METTL25: variants seen among roughly 807,000 people sequenced by gnomAD.
METTL25 encodes the protein methyltransferase like 25.
Under a neutral mutation model 71.6 loss-of-function variants are expected in METTL25, and 64 were observed. That is an observed-to-expected ratio of 0.89 (90% confidence interval 0.73 to 1.10). METTL25 has a LOEUF of 1.10. Among genes scored for constraint, METTL25 ranks in the 50% least tolerant of loss-of-function variants. The probability of loss-of-function intolerance (pLI) is 0.00; values close to 1 mark genes in which losing one functional copy is unlikely to be tolerated. For synonymous variants in METTL25, 287 were observed against 250.3 expected, an observed-to-expected ratio of 1.15 and a Z score of -1.38; for missense variants, 807 against 707.0, an observed-to-expected ratio of 1.14 and a Z score of -1.60.
At chr12:82,477,109 G>T (rs1892920362) in intron 10 of METTL25, among the ~76,000 whole-genome samples, 172 bp from the exon 11 acceptor site, 1 of 151,692 alleles carries the variant, frequency 6.6e-6, no homozygotes, top group Admixed American at 6.6e-5. Context: ...TATTATTAAA[G>T]AAAACCTTTT....
At chr12:82,415,218 C>T (rs1887877688) in intron 5 of METTL25, among the ~76,000 whole-genome samples, 1 of 152,042 alleles carries the variant, frequency 6.6e-6, no homozygotes, top group Non-Finnish European at 1.5e-5. Context: ...GATATGACTC[C>T]ATTAAAGTAA....
intron 5 of METTL25, among the ~76,000 whole-genome samples, chr12:82,419,285 C>G (rs922775968): frequency 7.9e-5 from 12 of 152,238 alleles, no homozygotes; most frequent in Middle Eastern, 3.4e-3. Flanking sequence ...TAGGCTAAGG[C>G]TACTGTTTTG....
At chr12:82,461,582 A>C (rs573495155) in intron 9 of METTL25, among the ~76,000 whole-genome samples, 1 of 152,344 alleles carries the variant, frequency 6.6e-6, no homozygotes, top group South Asian at 2.1e-4. Context: ...GCATTTTTCC[A>C]AAACTAGCAA....
chr12:82,388,042 C>T (rs546520730), intron 2 of METTL25, among the ~76,000 whole-genome samples: 1 of 151,920 alleles, frequency 6.6e-6, no homozygotes, highest in Non-Finnish European at 1.5e-5. Context: ...GTTTCTTACC[C>T]TTGCTTTTGT....
chr12:82,412,706 T>A (rs542732721), intron 5 of METTL25, among the ~76,000 whole-genome samples: 2 of 152,258 alleles, frequency 1.3e-5, no homozygotes, highest in East Asian at 3.9e-4. Context: ...ATGCTAAATA[T>A]ATATTTTTTA....
intron 3 of METTL25, among the ~76,000 whole-genome samples, chr12:82,397,249 G>A (rs920510043): frequency 6.6e-6 from 1 of 151,964 alleles, no homozygotes; most frequent in South Asian, 2.1e-4. Flanking sequence ...AGTGATATTA[G>A]GCATCTTTTC....
At chr12:82,378,753 G>T (rs370254238) in intron 1 of METTL25, among the ~76,000 whole-genome samples, 183 of 152,280 alleles carry the variant, frequency 1.2e-3, no homozygotes, top group African/African-American at 4.4e-3. Flanking sequence ...CTGGCCAGGT[G>T]CAATAGCTCA....
Position 82,403,011 on chromosome 12 carries a change from G to C in METTL25, c.1160G>C (p.Cys387Ser). The change falls in exon 5 of 12, where the codon TGT (cysteine) becomes TCT (serine). Residue 387 changes from cysteine (C) to serine (S), a missense_variant. By Grantham distance (112) the Cys-to-Ser change is moderately radical. Coordinates refer to ENST00000248306, the MANE Select transcript of METTL25 (RefSeq NM_032230.3). ...TGTTTGATGGTGGGTCTCCACACTT[G>C]TGGTGATCTGGCTCCAAATACTTTG... ...EDCLMVGLHT[C>S]GDLAPNTLRI... 3.1e-6 allele frequency: 5 copies of C among 1,612,492 alleles called. No homozygotes were observed. Among genetic ancestry groups the C allele is most frequent in the Non-Finnish European group, 3.4e-6 (4 of 1,179,042 alleles).
intron 8 of METTL25, among the ~76,000 whole-genome samples, chr12:82,453,456 C>G (rs1891283161): frequency 6.6e-6 from 1 of 152,032 alleles, no homozygotes; most frequent in African/African-American, 2.4e-5. Flanking sequence ...ATTATGAAGT[C>G]AGATGTTGGA....
rs751291154 is a variant in METTL25 at position 82,430,962 on chromosome 12, G to A, written c.1349G>A (p.Arg450His). Reference sequence around the variant, plus strand: ...AAGGAAGAGAGATGGTGCTGTGGTCGTAATGCCAGAATGTCAGCATGTTTG... The same window carrying A: ...AAGGAAGAGAGATGGTGCTGTGGTCATAATGCCAGAATGTCAGCATGTTTG... ...YLKEERWCCG[R>H]NARMSACLAL... is the part of the protein sequence containing the mutation. Residue 450 changes from arginine to histidine, a missense_variant, in exon 6 of 12, where the codon CGT becomes CAT. By Grantham distance (29) the Arg-to-His change is conservative (BLOSUM62 0). Transcript: ENST00000248306. 17 of 1,597,300 alleles carry A rather than the reference G, an allele frequency of 1.1e-5. No individual in the cohort carries two copies. Among genetic ancestry groups the A allele is most frequent in the Admixed American group, 5.1e-5 (3 of 58,456 alleles).
intron 1 of METTL25, among the ~76,000 whole-genome samples, chr12:82,367,328 G>C (rs560825880): frequency 6.6e-6 from 1 of 152,170 alleles, no homozygotes; most frequent in Admixed American, 6.5e-5. Flanking sequence ...ATGGTTACCT[G>C]TTATCATCAT....
intron 5 of METTL25, among the ~76,000 whole-genome samples, chr12:82,425,229 A>G (rs1474513403): frequency 6.6e-6 from 1 of 152,092 alleles, no homozygotes; most frequent in Non-Finnish European, 1.5e-5. Context: ...AAAAAGCAGT[A>G]GGACCCAGCA....
chr12:82,462,750 G>A (rs1356893856), intron 9 of METTL25, among the ~76,000 whole-genome samples: 10 of 151,950 alleles, frequency 6.6e-5, no homozygotes, highest in Admixed American at 6.6e-4. Context: ...CTATCCTCAG[G>A]GGATTGGTTC....
intron 5 of METTL25, among the ~76,000 whole-genome samples, chr12:82,429,588 G>T (rs1007961770): frequency 6.6e-6 from 1 of 151,524 alleles, no homozygotes; most frequent in Non-Finnish European, 1.5e-5. Context: ...TTTCTGGATT[G>T]TATGTATGGT....
At chr12:82,406,841 G>T (rs1366650849) in intron 5 of METTL25, among the ~76,000 whole-genome samples, 2 of 152,132 alleles carry the variant, frequency 1.3e-5, no homozygotes, top group Non-Finnish European at 2.9e-5. Context: ...TGTCTTGAAA[G>T]ATTCAGTAGA....
intron 5 of METTL25, among the ~76,000 whole-genome samples, chr12:82,409,778 T>C (rs756078161): frequency 2.0e-5 from 3 of 152,052 alleles, no homozygotes; most frequent in Non-Finnish European, 4.4e-5. Context: ...TAATATGATA[T>C]GGGATAAAGA....
intron 8 of METTL25, among the ~76,000 whole-genome samples, chr12:82,454,093 A>T (rs1891324288): frequency 6.6e-6 from 1 of 152,130 alleles, no homozygotes; most frequent in Non-Finnish European, 1.5e-5. Context: ...CAAAATAGAA[A>T]TAAAAAATCT....
chr12:82,402,994 G>A lies in METTL25; in HGVS notation c.1143G>A (p.Met381Ile). The change falls in exon 5 of 12, where the codon ATG becomes ATA. Residue 381 changes from methionine to isoleucine, a missense_variant. By Grantham distance (10) the Met-to-Ile change is conservative. Coordinates refer to ENST00000248306, the MANE Select transcript of METTL25 (RefSeq NM_032230.3). ...CTTGTATTTTAAAGGATTGTTTGAT[G>A]GTGGGTCTCCACACTTGTGGTGATC... Reference protein sequence around the residue: ...DIIKDLEDCLMVGLHTCGDLA... With the variant: ...DIIKDLEDCLIVGLHTCGDLA... The A allele has an allele frequency of 6.3e-7, 1 of 1,599,710 alleles. No individual in the cohort carries two copies. The highest frequency in any genetic ancestry group is 1.1e-5 in the South Asian group (1 of 87,634).
chr12:82,374,869 T>C (rs1050255939), intron 1 of METTL25, among the ~76,000 whole-genome samples: 4 of 152,224 alleles, frequency 2.6e-5, no homozygotes, highest in African/African-American at 4.8e-5. Context: ...GAAATCATCC[T>C]TCCATGGGGA....
Sources: gnomAD v4.1 joint callset for allele counts (sites outside exome capture counted in the v4.1 genomes callset) on GRCh38, gnomAD v4.1.1 for gene constraint, MANE v1.5 for transcripts, NCBI Gene and HGNC (gene_info 2026-07-23, HGNC 2026-07-21) for gene names.